TFCP2L1: variants seen among roughly 807,000 people sequenced by gnomAD.
TFCP2L1 encodes the protein transcription factor CP2-like protein 1.
TFCP2L1 carries 12 observed loss-of-function variants against 72.2 expected under a neutral mutation model. The ratio of observed to expected loss-of-function variants is 0.17; its 90% CI spans 0.11 to 0.27. The LOEUF is 0.27. Ranked by LOEUF, TFCP2L1 falls within the 10% of genes least tolerant of loss-of-function variation. The pLI, the probability that TFCP2L1 is intolerant of heterozygous loss-of-function variation, is 1.00. For synonymous variants in TFCP2L1, 260 were observed against 251.0 expected (o/e 1.04, Z -0.34); for missense variants, 488 against 624.6 (o/e 0.78, Z 2.33).
chr2:121,233,244 G>C (rs919036549), intron 12 of TFCP2L1, among the ~76,000 whole-genome samples: 3 of 152,070 alleles, frequency 2.0e-5, no homozygotes, highest in African/African-American at 7.2e-5. Context: ...CCAGGCTGGA[G>C]TGCAGTGGCA....
intron 1 of TFCP2L1, among the ~76,000 whole-genome samples, chr2:121,282,169 G>A (rs1003390362): frequency 6.6e-6 from 1 of 151,840 alleles, no homozygotes; most frequent in African/African-American, 2.4e-5. Flanking sequence ...CTGACCTCAG[G>A]TGATCCACCC....
intron 2 of TFCP2L1, among the ~76,000 whole-genome samples, chr2:121,261,886 C>T (rs1340367474): frequency 2.0e-5 from 3 of 152,182 alleles, no homozygotes; most frequent in African/African-American, 4.8e-5. Flanking sequence ...CAGCAAAAGA[C>T]GTATCAGCAC....
At chr2:121,248,931 T>C (rs777120154) in intron 4 of TFCP2L1, 51 bp downstream of exon 4, 17 of 1,413,366 alleles carry the variant, frequency 1.2e-5, no homozygotes, top group Non-Finnish European at 1.4e-5. Flanking sequence ...GAACCCAATG[T>C]GGCCTGGGTG....
At position 121,270,330 on chromosome 2, in the gene TFCP2L1, G is replaced by A. The variant is rs544409291; in HGVS notation, c.214+10790C>T. 8.1e-4 allele frequency among the ~76,000 whole-genome samples: 123 copies of A among 152,268 alleles called. 1 individual carries two copies. Among genetic ancestry groups the A allele is most frequent in the African/African-American group, 2.9e-3 (120 of 41,542 alleles). ...TTATATTTCATGTGTGGCAGAGACT[G>A]GAAAAAGATAAGGGAGGAGAAAATA... On this transcript the variant is annotated intron_variant, in intron 2 of 14. Coordinates refer to ENST00000263707, the MANE Select transcript of TFCP2L1 (RefSeq NM_014553.3).
intron 2 of TFCP2L1, among the ~76,000 whole-genome samples, chr2:121,262,777 C>T (rs1686850892): frequency 6.6e-6 from 1 of 152,194 alleles, no homozygotes; most frequent in African/African-American, 2.4e-5. Context: ...ATCTTTGACA[C>T]CTTTATGTCT....
chr2:121,242,268 G>A (rs1212575660), intron 7 of TFCP2L1, 91 bp downstream of exon 7: 10 of 1,134,372 alleles, frequency 8.8e-6, no homozygotes, highest in Middle Eastern at 3.9e-4. Flanking sequence ...GTAGTCACCC[G>A]AGATGGGCGA....
rs112917578 is a variant in TFCP2L1, at chr2:121,255,990, C to T, written c.215-6343G>A. Among the ~76,000 whole-genome samples the T allele has an allele frequency of 4.0e-4, 61 of 152,286 alleles. 1 individual carries two copies. The highest frequency in any genetic ancestry group is 1.4e-3 in the African/African-American group (58 of 41,576). On this transcript the variant is annotated intron_variant, in intron 2 of 14. Coordinates refer to ENST00000263707, the MANE Select transcript of TFCP2L1 (RefSeq NM_014553.3). The stretch of plus-strand genomic sequence containing the variant: ...ATCTCCTACCTCGTGATCCACCCAC[C>T]TCGGCCACCCAAAGTGCTGGGATTA...
chr2:121,276,007 G>A (rs77124404), intron 2 of TFCP2L1, among the ~76,000 whole-genome samples: 2,277 of 152,256 alleles, frequency 0.015, 24 homozygotes, highest in Non-Finnish European at 0.024. Context: ...TGAGGAATTC[G>A]GCAAGAACAT....
At chr2:121,237,310 C>T (rs1363711424) in intron 10 of TFCP2L1, among the ~76,000 whole-genome samples, 1 of 152,216 alleles carries the variant, frequency 6.6e-6, no homozygotes, top group Non-Finnish European at 1.5e-5. Flanking sequence ...CCTGCATCAC[C>T]CTGCCGGGCT....
rs959985431 is a variant in TFCP2L1 at position 121,216,973 on chromosome 2, T to C, written c.*7368A>G. The C allele has an allele frequency of 1.3e-5, 2 of 152,366 alleles. No homozygotes were observed. The highest frequency in any genetic ancestry group is 1.9e-4 in the East Asian group (1 of 5,188). 9.4% of individuals were successfully genotyped at this position (152,366 alleles called of 1,614,324 possible). On this transcript the variant is annotated 3_prime_UTR_variant, in exon 15 of 15. Transcript: ENST00000263707. ...CCCCAAACAGTCCCCTTCTCTTCTGTGGTTAACCAAGCAAGCCCCGCAAAG... is the reference window on the plus strand; with the variant it reads ...CCCCAAACAGTCCCCTTCTCTTCTGCGGTTAACCAAGCAAGCCCCGCAAAG...
chr2:121,237,733 G>T lies in TFCP2L1; in HGVS notation c.910-17C>A. On this transcript the variant is annotated splice_polypyrimidine_tract_variant and intron_variant, in intron 9 of 14. Transcript: ENST00000263707. ...GAGCAGGTGCTGTGAGCAGAGGGGA[G>T]AGGCCTTGAGATGGTGGCTCAGGGC... 1 of 1,614,194 alleles carries T rather than the reference G, an allele frequency of 6.2e-7. No homozygotes were observed.
In TFCP2L1 at chr2:121,235,284, T is replaced by C. The variant is rs374159497; in HGVS notation, c.1031A>G (p.Asp344Gly). Reference sequence around the variant, plus strand: ...GGGACCACAGATCTGGACCAAATCATCTCGGGACATCTTCAGCAAGTCAGC... The same window carrying C: ...GGGACCACAGATCTGGACCAAATCACCTCGGGACATCTTCAGCAAGTCAGC... The part of the protein sequence containing the change: ...SGADLLKMSR[D>G]DLVQICGPAD... Residue 344 changes from aspartate (D) to glycine (G), a missense_variant, in exon 11 of 15, where the codon GAT becomes GGT. Physicochemically the swap from Asp to Gly is moderately conservative, Grantham distance 94. Coordinates refer to ENST00000263707, the MANE Select transcript of TFCP2L1 (RefSeq NM_014553.3). The C allele has an allele frequency of 1.2e-6, 2 of 1,613,696 alleles. No individual in the cohort carries two copies. Among genetic ancestry groups the C allele is most frequent in the Non-Finnish European group, 1.7e-6 (2 of 1,180,000 alleles).
At chr2:121,249,124 G>C (rs7562700) in intron 3 of TFCP2L1, 37 bp from the exon 4 acceptor site, 226,762 of 1,458,256 alleles carry the variant, frequency 0.16, 18,676 homozygotes, top group East Asian at 0.31. Flanking sequence ...AAGTGACCGC[G>C]GGGGGCCAAG....
chr2:121,281,492 C>T (rs893406773), intron 1 of TFCP2L1, among the ~76,000 whole-genome samples: 1 of 152,074 alleles, frequency 6.6e-6, no homozygotes, highest in Non-Finnish European at 1.5e-5. Context: ...CAATGACCCC[C>T]CAAAACACTG....
chr2:121,236,084 G>A (rs1686243015), intron 10 of TFCP2L1, among the ~76,000 whole-genome samples: 1 of 152,328 alleles, frequency 6.6e-6, no homozygotes, highest in East Asian at 1.9e-4. Context: ...GTGGAATGTA[G>A]TCAGAGTGTT....
chr2:121,235,962 G>C (rs1686240794), intron 10 of TFCP2L1, among the ~76,000 whole-genome samples: 1 of 152,102 alleles, frequency 6.6e-6, no homozygotes, highest in Non-Finnish European at 1.5e-5. Flanking sequence ...ACTTGCTACA[G>C]TGCAGACACG....
chr2:121,256,948 C>G (rs1334050790), intron 2 of TFCP2L1, among the ~76,000 whole-genome samples: 2 of 151,974 alleles, frequency 1.3e-5, no homozygotes, highest in Admixed American at 6.6e-5. Flanking sequence ...ACAGGAGGTC[C>G]TGCAACGGCC....
At position 121,246,946 on chromosome 2, in the gene TFCP2L1, TG is replaced by T; in HGVS notation, c.528del (p.Phe176LeufsTer92). The T allele has an allele frequency of 6.2e-7, 1 of 1,613,688 alleles. No individual in the cohort carries two copies. The highest frequency in any genetic ancestry group is 8.5e-7 in the Non-Finnish European group (1 of 1,179,914). Reference protein sequence around the residue: ...FIQVHCISTEFTPRKHGGEKG... With the variant: ...FIQVHCISTEXTPRKHGGEKG... ...TTCTCGCCCCCGTGCTTCCTGGGGGTGAATTCTGTGCTGATGCAGTGTACCT... is the reference window on the plus strand; with the variant it reads ...TTCTCGCCCCCGTGCTTCCTGGGGGTAATTCTGTGCTGATGCAGTGTACCT... On this transcript the variant is annotated frameshift_variant, in exon 6 of 15. Coordinates refer to ENST00000263707, the MANE Select transcript of TFCP2L1 (RefSeq NM_014553.3). LOFTEE classifies it high-confidence loss of function.
In TFCP2L1 at chr2:121,285,155, G is replaced by A. The variant is rs1296272227; in HGVS notation, c.-46C>T. ...CGACCGGGGCGCGGCAGCAAGCGCA[G>A]ACGCGGGGCGCGCCGAGGACCCAGC... On this transcript the variant is annotated 5_prime_UTR_variant, in exon 1 of 15. Coordinates refer to ENST00000263707, the MANE Select transcript of TFCP2L1 (RefSeq NM_014553.3). The A allele has an allele frequency of 8.4e-6, 12 of 1,422,298 alleles. No homozygotes were observed. In the Admixed American group the frequency reaches 1.2e-4, roughly 14 times the overall value. The allele number at this position is 1,422,298 out of a possible 1,614,324, so 88.1% of individuals were successfully genotyped here. A position where few individuals can be genotyped will look rare whatever the true frequency, so the allele number is the denominator to read the frequency against.
Sources: allele counts gnomAD v4.1 joint callset (sites outside exome capture counted in the v4.1 genomes callset), GRCh38; gene constraint gnomAD v4.1.1; transcripts MANE v1.5; gene names NCBI Gene and HGNC (gene_info 2026-07-23, HGNC 2026-07-21).